RDX: variants seen among roughly 807,000 people sequenced by gnomAD.
The protein encoded by RDX is deafness, autosomal recessive 24.
Under a neutral mutation model 83.7 loss-of-function variants are expected in RDX, and 32 were observed. The observed-to-expected ratio is 0.38, with a 90% CI of 0.29 to 0.51. The LOEUF (loss-of-function observed/expected upper bound fraction) is 0.51, where lower values mean the gene tolerates loss of function less well. RDX is among the 20% of genes least tolerant of loss of function. The pLI is 0.87. For synonymous variants in RDX, 229 were observed against 222.7 expected (o/e 1.03, Z -0.25); for missense variants, 600 against 689.9 (o/e 0.87, Z 1.46).
At position 110,288,524 on chromosome 11, in the gene RDX, AAAATAATTCTCAC is replaced by A. The variant is rs1399977012; in HGVS notation, c.-65+7930_-65+7942del. On this transcript the variant is annotated intron_variant, in intron 1 of 13. Coordinates refer to ENST00000645495, the MANE Select transcript of RDX (RefSeq NM_002906.4). Reference sequence around the variant, plus strand: ...TATATAACAGGAAAGAAGCAAACACAAAATAATTCTCACAAATAATTCTACCCTTAATGTGCTT... The same window carrying A: ...TATATAACAGGAAAGAAGCAAACACAAAATAATTCTACCCTTAATGTGCTT... The A allele has an allele frequency of 9.0e-4, 137 of 152,358 alleles. 1 individual carries two copies. Among genetic ancestry groups the A allele is most frequent in the African/African-American group, 3.2e-3 (133 of 41,582 alleles). 9.4% of individuals were successfully genotyped at this position (152,358 alleles called of 1,614,324 possible).
chr11:110,266,825 T>C (rs1860069795), intron 3 of RDX, among the ~76,000 whole-genome samples: 1 of 152,144 alleles, frequency 6.6e-6, no homozygotes, highest in South Asian at 2.1e-4. Context: ...TGGCCTCAAG[T>C]GATCCTCCCA....
intron 1 of RDX, among the ~76,000 whole-genome samples, chr11:110,290,454 G>C (rs936472453): frequency 3.3e-5 from 5 of 151,690 alleles, no homozygotes; most frequent in Admixed American, 2.6e-4. Context: ...CAAGGTCACA[G>C]TGAGCTATAA....
intron 15 of RDX, among the ~76,000 whole-genome samples, chr11:110,181,147 C>A (rs1862878815): frequency 6.8e-6 from 1 of 147,790 alleles, no homozygotes; most frequent in Non-Finnish European, 1.5e-5. Context: ...CACACGCACA[C>A]CAGCTCAGGG....
chr11:110,209,521 G>C (rs948415278), intron 14 of RDX, among the ~76,000 whole-genome samples: 2 of 152,312 alleles, frequency 1.3e-5, no homozygotes, highest in East Asian at 1.9e-4. Flanking sequence ...TCTGTAGGCA[G>C]CACCCTGGGG....
intron 3 of RDX, among the ~76,000 whole-genome samples, chr11:110,268,424 G>A (rs116740522): frequency 0.03 from 4,563 of 152,148 alleles, 131 homozygotes; most frequent in East Asian, 0.075. Flanking sequence ...AATTCAATGT[G>A]GACAAAAGGA....
intron 3 of RDX, among the ~76,000 whole-genome samples, chr11:110,268,822 A>G (rs762461605): frequency 6.6e-6 from 1 of 151,932 alleles, no homozygotes; most frequent in Non-Finnish European, 1.5e-5. Flanking sequence ...AAGCTCCCAT[A>G]AACTTCTGAT....
intron 3 of RDX, among the ~76,000 whole-genome samples, chr11:110,270,233 T>C (rs1296579879): frequency 1.3e-5 from 2 of 152,002 alleles, no homozygotes; most frequent in African/African-American, 4.8e-5. Context: ...TAAACAAACC[T>C]AAATGGTATA....
At chr11:110,228,705 T>TAAAAAAA (rs985790436), downstream of RDX, among the ~76,000 whole-genome samples, 4 of 150,978 alleles carry the variant, frequency 2.6e-5, no homozygotes, top group Admixed American at 1.3e-4. Flanking sequence ...AGTGGGATTT[T>TAAAAAAA]AAAAAAAAAC....
In RDX at chr11:110,219,363, C is replaced by T. The variant is rs191588045; in HGVS notation, c.1748+12510G>A. Among the ~76,000 whole-genome samples the T allele has an allele frequency of 1.4e-4, 22 of 152,282 alleles. No homozygotes were observed. In the East Asian group the frequency reaches 3.7e-3, roughly 25 times the overall value. On this transcript the variant is annotated intron_variant, in intron 14 of 15. Coordinates refer to the RDX transcript ENST00000528498. ...CAGAATAGATTAGGCTGCAAATGAC[C>T]GCTGAAAAGAACATGGCTTTTACTC...
At chr11:110,270,475 C>T (rs1274066285) in intron 3 of RDX, among the ~76,000 whole-genome samples, 1 of 152,170 alleles carries the variant, frequency 6.6e-6, no homozygotes, top group Non-Finnish European at 1.5e-5. Context: ...TTATGCGGCA[C>T]ATGACACTGT....
intron 15 of RDX, among the ~76,000 whole-genome samples, chr11:110,183,206 C>T (rs1288289581): frequency 6.6e-6 from 1 of 152,204 alleles, no homozygotes; most frequent in East Asian, 1.9e-4. Flanking sequence ...CACCCAGGAC[C>T]TGCCAGCTCC....
intron 15 of RDX, among the ~76,000 whole-genome samples, chr11:110,181,434 T>C (rs145024472): frequency 0.01 from 1,525 of 152,180 alleles, 36 homozygotes; most frequent in African/African-American, 0.035. Flanking sequence ...AGTGCTGGGA[T>C]TGCAGGCGTG....
intron 2 of RDX, among the ~76,000 whole-genome samples, chr11:110,274,515 C>G (rs1565329011): frequency 6.6e-6 from 1 of 151,988 alleles, no homozygotes; most frequent in Non-Finnish European, 1.5e-5. Context: ...CAACTACACA[C>G]TTTTTTTTCC....
intron 9 of RDX, among the ~76,000 whole-genome samples, chr11:110,248,099 G>A (rs1198997154): frequency 6.6e-6 from 1 of 152,072 alleles, no homozygotes; most frequent in Non-Finnish European, 1.5e-5. Flanking sequence ...TTGGGAATGG[G>A]GTGAGGGACA....
At chr11:110,252,234 C>T (rs548838805) in intron 9 of RDX, among the ~76,000 whole-genome samples, 1 of 152,154 alleles carries the variant, frequency 6.6e-6, no homozygotes, top group African/African-American at 2.4e-5. Flanking sequence ...AGGAGAACTA[C>T]GGATTATTGT....
At position 110,264,827 on chromosome 11, in the gene RDX, C is replaced by T; in HGVS notation, c.144G>A (p.Gln48=). ...TAGAATAACCTTTGCTGTCTACATA[C>T]TGCAGCCCAAAAAACCAGACCTCAC... is the stretch of plus-strand genomic sequence containing the variant. ...GLREVWFFGL[Q]YVDSKGYSTW... The change falls in exon 4 of 14, where the codon CAG becomes CAA. Residue 48 remains glutamine (Q), a synonymous_variant. Coordinates refer to ENST00000645495, the MANE Select transcript of RDX (RefSeq NM_002906.4). 2 of 1,613,948 alleles carry T rather than the reference C, an allele frequency of 1.2e-6. No individual in the cohort carries two copies. Among genetic ancestry groups the T allele is most frequent in the Non-Finnish European group, 1.7e-6 (2 of 1,179,962 alleles).
chr11:110,192,839 T>C (rs1171466003), intron 15 of RDX, among the ~76,000 whole-genome samples: 1 of 136,368 alleles, frequency 7.3e-6, no homozygotes, highest in Non-Finnish European at 1.6e-5. Flanking sequence ...GGCTGAGTGG[T>C]TAGTATTGAA....
intron 15 of RDX, chr11:110,199,530 G>A: frequency 4.3e-6 from 3 of 700,872 alleles, no homozygotes; most frequent in South Asian, 3.0e-5. Context: ...GGTGTGGCAG[G>A]TCTAGTGGGC....
chr11:110,214,862 G>A (rs935844462), intron 14 of RDX, among the ~76,000 whole-genome samples: 8 of 132,050 alleles, frequency 6.1e-5, no homozygotes, highest in African/African-American at 1.9e-4. Flanking sequence ...GAGGGGGCAG[G>A]GATAGCATCG....
Sources: gnomAD v4.1 joint callset for allele counts (sites outside exome capture counted in the v4.1 genomes callset) on GRCh38, gnomAD v4.1.1 for gene constraint, MANE v1.5 for transcripts, NCBI Gene and HGNC (gene_info 2026-07-23, HGNC 2026-07-21) for gene names.